The following OCA2 variants were observed in gnomAD, a reference collection of about 807,000 sequenced individuals.
OCA2 encodes OCA2 melanosomal transmembrane protein, also known as P protein.
OCA2 carries 77 observed loss-of-function variants against 100.2 expected under a neutral mutation model. The observed-to-expected ratio is 0.77, with a 90% confidence interval of 0.64 to 0.93. The LOEUF (loss-of-function observed/expected upper bound fraction) is 0.93, where lower values mean the gene tolerates loss of function less well. Among genes scored for constraint, OCA2 ranks in the 40% least tolerant of loss-of-function variants. OCA2 has a pLI of 0.00. For missense variants in OCA2, 1,062 were observed against 1,089.1 expected (o/e 0.98, Z 0.35); for synonymous variants, 432 against 439.2 (o/e 0.98, Z 0.21).
chr15:27,878,423 C>T (rs113034694), intron 19 of OCA2, among the ~76,000 whole-genome samples: 2,391 of 152,176 alleles, frequency 0.016, 54 homozygotes, highest in African/African-American at 0.05. Context: ...GTCATTTCCT[C>T]CATCTGAGAA....
intron 15 of OCA2, among the ~76,000 whole-genome samples, chr15:27,964,494 GC>G (rs1012059045): frequency 1.1e-4 from 17 of 152,168 alleles, no homozygotes; most frequent in Non-Finnish European, 5.9e-5. Flanking sequence ...TCACTGGATG[GC>G]AGAATGGGAC....
intron 21 of OCA2, among the ~76,000 whole-genome samples, chr15:27,859,209 A>G (rs1186332434): frequency 6.6e-6 from 1 of 152,100 alleles, no homozygotes; most frequent in African/African-American, 2.4e-5. Flanking sequence ...GAATAGAAAA[A>G]ATAGAGAAAG....
chr15:27,776,189 C>T (rs933877271), intron 23 of OCA2, among the ~76,000 whole-genome samples: 1 of 152,226 alleles, frequency 6.6e-6, no homozygotes, highest in South Asian at 2.1e-4. Flanking sequence ...TGGCTTGCTG[C>T]GGTTCCGGCC....
At chr15:28,038,654 C>T (rs1170649292) in intron 2 of OCA2, among the ~76,000 whole-genome samples, 1 of 152,010 alleles carries the variant, frequency 6.6e-6, no homozygotes, top group Non-Finnish European at 1.5e-5. Context: ...TACTGAAAAA[C>T]CGAAAAAAAC....
chr15:28,020,444 C>T (rs2042557896), intron 6 of OCA2, among the ~76,000 whole-genome samples: 1 of 152,006 alleles, frequency 6.6e-6, no homozygotes. Flanking sequence ...CAGGATCCAG[C>T]CTCCCCCTTC....
intron 21 of OCA2, among the ~76,000 whole-genome samples, chr15:27,853,679 C>T (rs1217392273): frequency 2.0e-5 from 3 of 152,044 alleles, no homozygotes; most frequent in Non-Finnish European, 4.4e-5. Flanking sequence ...AGCCTGCCTC[C>T]GGGAGGCTCC....
chr15:27,814,999 C>G (rs1304051885), intron 23 of OCA2, among the ~76,000 whole-genome samples: 1 of 151,624 alleles, frequency 6.6e-6, no homozygotes, highest in East Asian at 1.9e-4. Flanking sequence ...TAATTTACCC[C>G]AAGGAAAATA....
intron 9 of OCA2, among the ~76,000 whole-genome samples, chr15:28,004,805 G>T (rs2042041560): frequency 1.3e-5 from 2 of 151,894 alleles, no homozygotes; most frequent in African/African-American, 4.8e-5. Flanking sequence ...AGCCTCACAT[G>T]CACTTAAACA....
At position 27,851,441 on chromosome 15, in the gene OCA2, T is replaced by A. The variant is rs759815955; in HGVS notation, c.2279A>T (p.Glu760Val). The A allele has an allele frequency of 3.3e-5, 53 of 1,613,706 alleles. No homozygotes were observed. The highest frequency in any genetic ancestry group is 4.2e-5 in the Non-Finnish European group (50 of 1,179,958). The change falls in exon 22 of 24, where the codon GAG (glutamate) becomes GTG (valine). Residue 760 changes from glutamate to valine, a missense_variant. Transcript: ENST00000354638. Reference protein sequence around the residue: ...PVLLNLSHDPEVGLPAPPLMY... With the variant: ...PVLLNLSHDPVVGLPAPPLMY... Reference sequence around the variant, plus strand: ...GAGCGGCGGTGCGGGCAGGCCAACCTCAGGGTCGTGGCTCAGGTTCAGGAG... The same window carrying A: ...GAGCGGCGGTGCGGGCAGGCCAACCACAGGGTCGTGGCTCAGGTTCAGGAG...
the OCA2 span, among the ~76,000 whole-genome samples, chr15:27,735,582 C>A: frequency 6.6e-6 from 1 of 151,776 alleles, no homozygotes; most frequent in African/African-American, 2.4e-5. Context: ...CTGTCAAAAA[C>A]CAAAACAAAG....
At chr15:27,954,912 C>T (rs956035248) in intron 17 of OCA2, among the ~76,000 whole-genome samples, 12 of 152,198 alleles carry the variant, frequency 7.9e-5, no homozygotes, top group Non-Finnish European at 1.8e-4. Context: ...GCGGGCCCTG[C>T]AACGTGCAGG....
intron 18 of OCA2, among the ~76,000 whole-genome samples, chr15:27,943,820 C>T (rs1269249723): frequency 2.6e-5 from 4 of 152,156 alleles, no homozygotes; most frequent in African/African-American, 7.2e-5. Flanking sequence ...CCTGGAAGCC[C>T]TTATCCTGCC....
chr15:27,845,605 C>T (rs1357532722), intron 22 of OCA2, among the ~76,000 whole-genome samples: 2 of 152,146 alleles, frequency 1.3e-5, no homozygotes, highest in African/African-American at 4.8e-5. Flanking sequence ...GCCATCCTCG[C>T]AGCCTGGTGA....
intron 2 of OCA2, among the ~76,000 whole-genome samples, chr15:28,077,553 A>T (rs1206511410): frequency 6.6e-6 from 1 of 152,188 alleles, no homozygotes; most frequent in African/African-American, 2.4e-5. Context: ...AGGGCTGGAC[A>T]TACAGAGCAG....
chr15:27,945,211 C>T (rs11631737), intron 18 of OCA2, among the ~76,000 whole-genome samples: 4 of 152,148 alleles, frequency 2.6e-5, no homozygotes, highest in Non-Finnish European at 4.4e-5. Context: ...AGAAGTATGC[C>T]TCAGCCACTC....
chr15:27,742,519 A>T, the OCA2 span, among the ~76,000 whole-genome samples: 16 of 152,178 alleles, frequency 1.1e-4, no homozygotes, highest in Non-Finnish European at 5.9e-5. Flanking sequence ...CAGAAGAAGC[A>T]CGATGGCAGA....
intron 18 of OCA2, 38 bp downstream of exon 18, chr15:27,951,746 G>A: frequency 7.2e-7 from 1 of 1,389,232 alleles, no homozygotes; most frequent in South Asian, 1.2e-5. Flanking sequence ...CATCCAGAAT[G>A]TGACAAAGCC....
chr15:28,069,355 G>GCCCTCC (rs2044124611), intron 2 of OCA2, among the ~76,000 whole-genome samples: 1 of 26,816 alleles, frequency 3.7e-5, no homozygotes, highest in Non-Finnish European at 9.8e-5. Flanking sequence ...TGAAACACCT[G>GCCCTCC]CCCTCTCCCT....
At chr15:28,061,466 T>C (rs893541626) in intron 2 of OCA2, among the ~76,000 whole-genome samples, 8 of 152,174 alleles carry the variant, frequency 5.3e-5, no homozygotes, top group Admixed American at 3.3e-4. Context: ...TTCCATATTA[T>C]ATTCTTTTAA....
Sources: gnomAD v4.1 joint callset for allele counts (sites outside exome capture counted in the v4.1 genomes callset) on GRCh38, gnomAD v4.1.1 for gene constraint, MANE v1.5 for transcripts, NCBI Gene and HGNC (gene_info 2026-07-23, HGNC 2026-07-21) for gene names.